The following GRXCR1 variants were observed in gnomAD, a reference collection of about 807,000 sequenced individuals.
The protein encoded by GRXCR1 is glutaredoxin and cysteine rich domain containing 1.
GRXCR1 carries 27 observed loss-of-function variants against 27.3 expected under a neutral mutation model. The observed-to-expected ratio is 0.99, with a 90% confidence interval of 0.73 to 1.37. The LOEUF (loss-of-function observed/expected upper bound fraction) is 1.37, where lower values mean the gene tolerates loss of function less well. Among genes scored for constraint, GRXCR1 ranks in the 40% most tolerant of loss-of-function variants. The pLI is 0.00. For synonymous variants in GRXCR1, 122 were observed against 131.1 expected (o/e 0.93, Z 0.47); for missense variants, 379 against 354.4 (o/e 1.07, Z -0.56).
intron 2 of GRXCR1, among the ~76,000 whole-genome samples, chr4:42,985,381 C>A (rs1470647860): frequency 6.6e-6 from 1 of 151,902 alleles, no homozygotes; most frequent in Non-Finnish European, 1.5e-5. Flanking sequence ...AAAGGTATAA[C>A]CTGTAACATT....
chr4:42,917,267 GA>G (rs1746906537), intron 1 of GRXCR1, among the ~76,000 whole-genome samples: 1 of 152,066 alleles, frequency 6.6e-6, no homozygotes, highest in African/African-American at 2.4e-5. Flanking sequence ...ATATGGGAGA[GA>G]AAAAAAGTAT....
chr4:42,911,376 T>A lies in GRXCR1; in HGVS notation c.384+17726T>A, dbSNP rs180781231. On this transcript the variant is annotated intron_variant, in intron 1 of 3. Transcript: ENST00000399770. ...ATAAAATCAAACAATAAATCAGTAC[T>A]AATGAACATACAACTTCTGCTGTCA... 3.6e-4 allele frequency among the ~76,000 whole-genome samples: 55 copies of A among 152,162 alleles called. 1 individual carries two copies. The highest frequency in any genetic ancestry group is 2.3e-3 in the Admixed American group (35 of 15,276).
intron 2 of GRXCR1, among the ~76,000 whole-genome samples, chr4:42,987,916 A>G (rs963232214): frequency 5.9e-5 from 9 of 152,232 alleles, no homozygotes; most frequent in African/African-American, 2.2e-4. Flanking sequence ...CTTGCTATCT[A>G]CCTTCTATTG....
In GRXCR1 at chr4:42,892,996, TAA is replaced by T. The variant is rs1746266945; in HGVS notation, c.-269_-268del. On this transcript the variant is annotated 5_prime_UTR_variant, in exon 1 of 4. The change creates a premature stop within an existing upstream ORF in the 5' untranslated region. Transcript: ENST00000399770. ...TGCCACTTTCTTGCACTTGTCCTGT[TAA>T]AGAGTCCACCATGGCTATTTAATAT... 6.6e-6 allele frequency among the ~76,000 whole-genome samples: 1 copy of T among 152,152 alleles called. No homozygotes were observed. The highest frequency in any genetic ancestry group is 2.1e-4 in the South Asian group (1 of 4,830).
At chr4:42,901,909 A>G (rs1484136051) in intron 1 of GRXCR1, among the ~76,000 whole-genome samples, 1 of 152,214 alleles carries the variant, frequency 6.6e-6, no homozygotes, top group Non-Finnish European at 1.5e-5. Flanking sequence ...GCACAATCAA[A>G]GTATTGAAAC....
At chr4:42,938,743 C>A (rs1020338556) in intron 1 of GRXCR1, among the ~76,000 whole-genome samples, 2 of 151,838 alleles carry the variant, frequency 1.3e-5, no homozygotes, top group African/African-American at 4.8e-5. Context: ...TTCCCAGCAC[C>A]ATTAATTAAA....
At chr4:42,956,381 T>C (rs1230415249) in intron 1 of GRXCR1, among the ~76,000 whole-genome samples, 1 of 151,988 alleles carries the variant, frequency 6.6e-6, no homozygotes, top group Non-Finnish European at 1.5e-5. Context: ...GAGGCTATTT[T>C]TAGACTTCTG....
chr4:42,943,518 C>A (rs1747671457), intron 1 of GRXCR1, among the ~76,000 whole-genome samples: 1 of 151,998 alleles, frequency 6.6e-6, no homozygotes, highest in African/African-American at 2.4e-5. Flanking sequence ...AGGGCAGAGT[C>A]CTGGACACTT....
rs183901165 is a variant in GRXCR1 at position 43,007,607 on chromosome 4, A to C, written c.628-12747A>C. Among the ~76,000 whole-genome samples, 238 of 152,332 alleles carry C rather than the reference A, an allele frequency of 1.6e-3. 1 individual carries two copies. The highest frequency in any genetic ancestry group is 5.5e-3 in the African/African-American group (229 of 41,588). On this transcript the variant is annotated intron_variant, in intron 2 of 3. Transcript: ENST00000399770. ...CCCAGAAATAGTGTGTTAGCAGTAAAAGTGATAAGAAATGGATGCATTTAA... is the reference window on the plus strand; with the variant it reads ...CCCAGAAATAGTGTGTTAGCAGTAACAGTGATAAGAAATGGATGCATTTAA...
chr4:42,995,991 T>C (rs1011373042), intron 2 of GRXCR1, among the ~76,000 whole-genome samples: 1 of 152,188 alleles, frequency 6.6e-6, no homozygotes, highest in Admixed American at 6.5e-5. Flanking sequence ...TATAAGCATA[T>C]GAGTTTTCAG....
At chr4:42,972,308 G>C (rs1748407544) in intron 2 of GRXCR1, among the ~76,000 whole-genome samples, 1 of 152,144 alleles carries the variant, frequency 6.6e-6, no homozygotes, top group African/African-American at 2.4e-5. Context: ...CTGGTTGGAG[G>C]AAAGTCTCAT....
At chr4:42,929,712 A>G (rs1747260090) in intron 1 of GRXCR1, among the ~76,000 whole-genome samples, 1 of 151,932 alleles carries the variant, frequency 6.6e-6, no homozygotes, top group Non-Finnish European at 1.5e-5. Flanking sequence ...TTCATGTAGT[A>G]TTCAAATAGA....
intron 1 of GRXCR1, among the ~76,000 whole-genome samples, chr4:42,922,148 G>A (rs1747026940): frequency 6.6e-6 from 1 of 152,068 alleles, no homozygotes; most frequent in Non-Finnish European, 1.5e-5. Flanking sequence ...TATTTTGATA[G>A]ATATATATTT....
intron 1 of GRXCR1, among the ~76,000 whole-genome samples, chr4:42,924,911 T>C (rs1175132708): frequency 1.3e-5 from 2 of 152,052 alleles, no homozygotes; most frequent in Non-Finnish European, 2.9e-5. Flanking sequence ...CCCAAGACTT[T>C]GACAGGTTTA....
At chr4:42,898,465 C>A (rs538556079) in intron 1 of GRXCR1, among the ~76,000 whole-genome samples, 37 of 152,072 alleles carry the variant, frequency 2.4e-4, no homozygotes, top group African/African-American at 8.4e-4. Context: ...AGTGTTAACA[C>A]ACCTTTCCAG....
At chr4:42,932,456 C>CTTTCCATTGA (rs5857873) in intron 1 of GRXCR1, among the ~76,000 whole-genome samples, 1 of 149,604 alleles carries the variant, frequency 6.7e-6, no homozygotes, top group Non-Finnish European at 1.5e-5. Flanking sequence ...CCGCAGTTTG[C>CTTTCCATTGA]CATCTCTTTA....
intron 1 of GRXCR1, among the ~76,000 whole-genome samples, chr4:42,949,211 A>C (rs76990837): frequency 0.033 from 4,949 of 151,116 alleles, 148 homozygotes; most frequent in East Asian, 0.073. Context: ...CACACACACA[A>C]AAAAAAAGCT....
At chr4:42,993,959 A>T (rs571210165) in intron 2 of GRXCR1, among the ~76,000 whole-genome samples, 2 of 152,280 alleles carry the variant, frequency 1.3e-5, no homozygotes. Context: ...AAGCACTGTG[A>T]TCGTAAGTCA....
At chr4:43,000,307 C>A (rs973331158) in intron 2 of GRXCR1, among the ~76,000 whole-genome samples, 4 of 151,818 alleles carry the variant, frequency 2.6e-5, no homozygotes, top group African/African-American at 9.7e-5. Context: ...GTGAAACTGT[C>A]TCTAGTAACA....
Sources: allele counts gnomAD v4.1 joint callset (sites outside exome capture counted in the v4.1 genomes callset), GRCh38; gene constraint gnomAD v4.1.1; transcripts MANE v1.5; gene names NCBI Gene and HGNC (gene_info 2026-07-23, HGNC 2026-07-21).